SNTG2: variants seen among roughly 807,000 people sequenced by gnomAD.
The protein encoded by SNTG2 is syntrophin gamma 2.
A neutral mutation model predicts 70.9 loss-of-function variants in SNTG2; 74 were observed. That is an observed-to-expected ratio of 1.04 (90% CI 0.86 to 1.27). SNTG2 has a LOEUF of 1.27. Among genes scored for constraint, SNTG2 ranks in the 50% most tolerant of loss-of-function variants. SNTG2 has a pLI of 0.00. For missense variants in SNTG2, 717 were observed against 690.7 expected (o/e 1.04, Z -0.43); for synonymous variants, 278 against 273.8 (o/e 1.02, Z -0.15).
chr2:1,222,196 C>T (rs148796469), intron 9 of SNTG2, among the ~76,000 whole-genome samples: 158 of 150,120 alleles, frequency 1.1e-3, no homozygotes, highest in African/African-American at 3.7e-3. Flanking sequence ...TGCAGCCTCT[C>T]AGTCGAGGAT....
intron 4 of SNTG2, among the ~76,000 whole-genome samples, chr2:1,130,444 A>T (rs982730872): frequency 6.6e-6 from 1 of 152,172 alleles, no homozygotes; most frequent in Non-Finnish European, 1.5e-5. Flanking sequence ...TTGCATTACA[A>T]TTTTTCCAGC....
chr2:1,291,186 C>A (rs1185906581), intron 14 of SNTG2, among the ~76,000 whole-genome samples: 3 of 152,078 alleles, frequency 2.0e-5, no homozygotes, highest in Non-Finnish European at 4.4e-5. Context: ...TTTTGCCCGT[C>A]TTTTAATTGG....
At chr2:1,114,780 C>A (rs1250687744) in intron 4 of SNTG2, among the ~76,000 whole-genome samples, 2 of 151,772 alleles carry the variant, frequency 1.3e-5, no homozygotes, top group Non-Finnish European at 1.5e-5. Context: ...TGAGAAGGAT[C>A]GTGTGTACTA....
intron 1 of SNTG2, among the ~76,000 whole-genome samples, chr2:1,049,250 G>T (rs763082946): frequency 1.3e-5 from 2 of 152,140 alleles, no homozygotes; most frequent in African/African-American, 4.8e-5. Context: ...TGACAGGTAG[G>T]TATCCACCAT....
In SNTG2 at chr2:1,209,155, G is replaced by A. The variant is rs202078642; in HGVS notation, c.644G>A (p.Arg215His). 664 of 1,613,816 alleles carry A rather than the reference G, an allele frequency of 4.1e-4. 1 individual carries two copies. Among genetic ancestry groups the A allele is most frequent in the Middle Eastern group, 9.9e-4 (6 of 6,084 alleles). The change falls in exon 9 of 17, where the codon CGC (arginine) becomes CAC (histidine). Residue 215 changes from arginine (R) to histidine (H), a missense_variant. Transcript: ENST00000308624. Reference protein sequence around the residue: ...PIAKDPRYEKRWLDTLSVPLS... With the variant: ...PIAKDPRYEKHWLDTLSVPLS... ...GCTAAGGACCCGAGGTATGAGAAGC[G>A]CTGGCTGGACACCTTGTCCGTGCCT...
chr2:1,179,646 G>A (rs1362657156), intron 8 of SNTG2, among the ~76,000 whole-genome samples: 2 of 151,818 alleles, frequency 1.3e-5, no homozygotes, highest in Admixed American at 6.6e-5. Context: ...ACTGCCCAAG[G>A]TAATTTATAG....
intron 16 of SNTG2, among the ~76,000 whole-genome samples, chr2:1,327,601 C>G (rs1193524026): frequency 6.6e-6 from 1 of 152,092 alleles, no homozygotes; most frequent in Non-Finnish European, 1.5e-5. Context: ...TTAGACAAAT[C>G]CAGCCATTGT....
At chr2:1,290,778 GAC>G (rs534487883) in intron 14 of SNTG2, among the ~76,000 whole-genome samples, 96 of 152,260 alleles carry the variant, frequency 6.3e-4, no homozygotes, top group Non-Finnish European at 1.2e-3. Context: ...TTCTGGTGTG[GAC>G]ACAGAGCCAA....
intron 1 of SNTG2, among the ~76,000 whole-genome samples, chr2:1,071,689 G>A (rs930204416): frequency 3.3e-5 from 5 of 151,946 alleles, no homozygotes; most frequent in African/African-American, 1.2e-4. Flanking sequence ...CTTAGTGAGG[G>A]TGTCGTGTTG....
chr2:1,173,327 T>C (rs1316162559), intron 8 of SNTG2, 144 bp downstream of exon 8: 12 of 785,496 alleles, frequency 1.5e-5, no homozygotes, highest in Non-Finnish European at 2.4e-5. Flanking sequence ...AGAACACAGA[T>C]TGAAGGTGCT....
rs530642242 is a variant in SNTG2 at position 1,237,950 on chromosome 2, C to T, written c.782C>T (p.Thr261Ile). 4.3e-6 allele frequency: 7 copies of T among 1,609,222 alleles called. No homozygotes were observed. The Middle Eastern group carries it at 4.9e-4, about 113-fold the overall frequency. The change falls in exon 10 of 17, where the codon ACA becomes ATA. Residue 261 changes from threonine (T) to isoleucine (I), a missense_variant. Transcript: ENST00000308624. ...AGCTCTGGGATCCTCCGGTTTTACA[C>T]AGCCCAGGATGGCACCGACTGGCTG... ...GVSSGILRFY[T>I]AQDGTDWLRA...
At chr2:1,149,672 G>GTTTTTTTTTT (rs1221169268) in intron 6 of SNTG2, among the ~76,000 whole-genome samples, 2 of 146,468 alleles carry the variant, frequency 1.4e-5, no homozygotes, top group African/African-American at 5.1e-5. Flanking sequence ...GTTGATTAGC[G>GTTTTTTTTTT]TTTTTTTTTT....
intron 12 of SNTG2, among the ~76,000 whole-genome samples, chr2:1,254,261 T>C (rs1364025428): frequency 6.6e-6 from 1 of 152,170 alleles, no homozygotes; most frequent in Non-Finnish European, 1.5e-5. Context: ...TCTCTGTCTT[T>C]CCCATGCACC....
At chr2:1,350,299 G>A (rs936926239) in intron 16 of SNTG2, among the ~76,000 whole-genome samples, 1 of 152,160 alleles carries the variant, frequency 6.6e-6, no homozygotes, top group African/African-American at 2.4e-5. Flanking sequence ...AGTTCCTGCT[G>A]GGCTTTGGTC....
intron 8 of SNTG2, among the ~76,000 whole-genome samples, chr2:1,189,847 G>A (rs999140388): frequency 2.6e-5 from 4 of 152,032 alleles, no homozygotes; most frequent in South Asian, 2.1e-4. Context: ...GTGCCCGGCC[G>A]GGACTCTATC....
chr2:1,233,486 C>G (rs973457463), intron 9 of SNTG2, among the ~76,000 whole-genome samples: 1 of 152,128 alleles, frequency 6.6e-6, no homozygotes, highest in African/African-American at 2.4e-5. Context: ...GCAGTGTGAC[C>G]GGGCACATGA....
In SNTG2 at chr2:1,330,833, T is replaced by C. The variant is rs140100291; in HGVS notation, c.1488+14458T>C. Among the ~76,000 whole-genome samples, 751 of 152,224 alleles carry C rather than the reference T, an allele frequency of 4.9e-3. 4 individuals are homozygous for C. Among genetic ancestry groups the C allele is most frequent in the African/African-American group, 0.017 (708 of 41,546 alleles). ...AACGGGGTGCCCCTTAAAGGAGAGC[T>C]CAGTTTTGGTAAGCAGTGTCCCATA... On this transcript the variant is annotated intron_variant, in intron 16 of 16. Coordinates refer to ENST00000308624, the MANE Select transcript of SNTG2 (RefSeq NM_018968.4).
At position 1,365,655 on chromosome 2, in the gene SNTG2, A is replaced by G. The variant is rs147316600; in HGVS notation, c.1489-1688A>G. ...TCACTTCTCACAGCTGGTCACACCA[A>G]TGTAGGCATCTTGGCCTCCCTCTCC... On this transcript the variant is annotated intron_variant, in intron 16 of 16. Coordinates refer to ENST00000308624, the MANE Select transcript of SNTG2 (RefSeq NM_018968.4). 5.3e-5 allele frequency among the ~76,000 whole-genome samples: 8 copies of G among 152,298 alleles called. No individual in the cohort carries two copies. In the East Asian group the frequency reaches 1.4e-3, roughly 26 times the overall value.
intron 1 of SNTG2, among the ~76,000 whole-genome samples, chr2:1,071,319 C>G (rs1443435249): frequency 1.0e-4 from 15 of 150,134 alleles, no homozygotes; most frequent in African/African-American, 3.7e-4. Context: ...TACTATGCAG[C>G]CATAAAAAAT....
Sources: allele counts gnomAD v4.1 joint callset (sites outside exome capture counted in the v4.1 genomes callset), GRCh38; gene constraint gnomAD v4.1.1; transcripts MANE v1.5; gene names NCBI Gene and HGNC (gene_info 2026-07-23, HGNC 2026-07-21).